The following IL1RAP variants were observed in gnomAD, a reference collection of about 807,000 sequenced individuals.
IL1RAP encodes interleukin-1 receptor accessory protein.
A neutral mutation model predicts 60.7 loss-of-function variants in IL1RAP; 35 were observed. The observed-to-expected ratio is 0.58, with a 90% confidence interval of 0.44 to 0.76. The LOEUF is 0.76. Among genes scored for constraint, IL1RAP ranks in the 30% least tolerant of loss-of-function variants. The probability of loss-of-function intolerance (pLI) is 0.00; values close to 1 mark genes in which losing one functional copy is unlikely to be tolerated. For synonymous variants in IL1RAP, 268 were observed against 250.9 expected (o/e 1.07, Z -0.64); for missense variants, 572 against 693.9 (o/e 0.82, Z 1.97).
downstream of IL1RAP, among the ~76,000 whole-genome samples, chr3:190,652,598 C>T (rs958242625): frequency 6.6e-6 from 1 of 152,090 alleles, no homozygotes. Context: ...TTAGGATCAA[C>T]GGATCGAAGT....
chr3:190,641,283 A>G (rs1442021802), intron 9 of IL1RAP, among the ~76,000 whole-genome samples: 2 of 152,182 alleles, frequency 1.3e-5, no homozygotes, highest in East Asian at 3.8e-4. Flanking sequence ...GAAATTCTTT[A>G]GTCTGGCATT....
chr3:190,581,058 C>G (rs1727955331), intron 3 of IL1RAP, among the ~76,000 whole-genome samples: 2 of 152,148 alleles, frequency 1.3e-5, no homozygotes, highest in Admixed American at 1.3e-4. Flanking sequence ...GGACTCAGCC[C>G]TTTAATCTCT....
chr3:190,656,422 A>G (rs1412248678), downstream of IL1RAP: 2 of 1,537,224 alleles, frequency 1.3e-6, no homozygotes, highest in Admixed American at 2.0e-5. Flanking sequence ...TAGGAACAAG[A>G]GCCGGGCAGA....
At chr3:190,543,013 C>A (rs1341898751) in intron 1 of IL1RAP, among the ~76,000 whole-genome samples, 1 of 150,758 alleles carries the variant, frequency 6.6e-6, no homozygotes, top group Non-Finnish European at 1.5e-5. Context: ...TGGTGTAATT[C>A]CAGGCTGTTC....
chr3:190,536,394 G>A (rs1723464830), intron 1 of IL1RAP, among the ~76,000 whole-genome samples: 1 of 152,068 alleles, frequency 6.6e-6, no homozygotes, highest in African/African-American at 2.4e-5. Flanking sequence ...TAGTAATTGA[G>A]TTACCAGCTG....
intron 3 of IL1RAP, among the ~76,000 whole-genome samples, chr3:190,566,434 C>G (rs1335184017): frequency 1.3e-5 from 2 of 152,170 alleles, no homozygotes; most frequent in African/African-American, 4.8e-5. Flanking sequence ...GCCTTCCCAG[C>G]AGTCCTGACC....
chr3:190,548,192 CT>C (rs1304429556), intron 1 of IL1RAP, among the ~76,000 whole-genome samples: 2 of 152,132 alleles, frequency 1.3e-5, no homozygotes, highest in East Asian at 3.9e-4. Flanking sequence ...ACGGTGGCAT[CT>C]GTTTGAACCA....
At chr3:190,593,332 T>C (rs1346321192) in intron 3 of IL1RAP, among the ~76,000 whole-genome samples, 1 of 152,180 alleles carries the variant, frequency 6.6e-6, no homozygotes, top group Non-Finnish European at 1.5e-5. Flanking sequence ...CTCTCCCTCC[T>C]CCACTCCTGA....
intron 3 of IL1RAP, among the ~76,000 whole-genome samples, chr3:190,566,815 G>A (rs143881436): frequency 1.9e-3 from 287 of 152,234 alleles, no homozygotes; most frequent in Middle Eastern, 0.01. Flanking sequence ...AAATCATTGC[G>A]CATCTTGAGG....
chr3:190,564,397 C>CATT (rs775495480), intron 3 of IL1RAP, 44 bp downstream of exon 3: 2 of 1,264,972 alleles, frequency 1.6e-6, no homozygotes, highest in Non-Finnish European at 2.3e-6. Flanking sequence ...GCAAGTCATG[C>CATT]GTAGGGTAAT....
chr3:190,636,523 T>C (rs900108520), intron 9 of IL1RAP, among the ~76,000 whole-genome samples: 1 of 151,660 alleles, frequency 6.6e-6, no homozygotes, highest in Non-Finnish European at 1.5e-5. Context: ...CTTTCTTTTT[T>C]TTTACTTTTT....
chr3:190,527,481 C>G (rs929118913), intron 1 of IL1RAP, among the ~76,000 whole-genome samples: 2 of 152,184 alleles, frequency 1.3e-5, no homozygotes, highest in African/African-American at 2.4e-5. Flanking sequence ...TGCAACACCT[C>G]TGGAGTCTCC....
chr3:190,646,588 A>C (rs971160486), intron 11 of IL1RAP, among the ~76,000 whole-genome samples: 1 of 152,222 alleles, frequency 6.6e-6, no homozygotes, highest in Non-Finnish European at 1.5e-5. Flanking sequence ...CACACAAAGT[A>C]ATTTTTCATT....
At chr3:190,576,398 G>A (rs201550901) in intron 3 of IL1RAP, among the ~76,000 whole-genome samples, 7 of 117,548 alleles carry the variant, frequency 6.0e-5, no homozygotes, top group Non-Finnish European at 1.1e-4. Context: ...ACACACACAC[G>A]CACATTTTAA....
chr3:190,603,882 A>G (rs1730065941), intron 3 of IL1RAP, among the ~76,000 whole-genome samples: 1 of 152,192 alleles, frequency 6.6e-6, no homozygotes, highest in Non-Finnish European at 1.5e-5. Context: ...GCAGGGCTTA[A>G]CAGGGTCAAG....
chr3:190,639,743 A>C (rs9847868), intron 9 of IL1RAP, among the ~76,000 whole-genome samples: 39,329 of 152,130 alleles, frequency 0.26, 5,546 homozygotes, highest in African/African-American at 0.37. Context: ...TTTGTTCTAG[A>C]GGGTAATTAA....
At chr3:190,520,336 T>A (rs1721906218) in intron 1 of IL1RAP, among the ~76,000 whole-genome samples, 1 of 152,140 alleles carries the variant, frequency 6.6e-6, no homozygotes, top group African/African-American at 2.4e-5. Flanking sequence ...ATTAGTTGTG[T>A]CAAAGTTTGC....
At chr3:190,647,958 T>C (rs1734153310) in intron 11 of IL1RAP, among the ~76,000 whole-genome samples, 1 of 152,202 alleles carries the variant, frequency 6.6e-6, no homozygotes, top group Non-Finnish European at 1.5e-5. Context: ...AAGAAAGGGC[T>C]CATGAGCTGA....
intron 5 of IL1RAP, among the ~76,000 whole-genome samples, chr3:190,609,700 T>C (rs1266369087): frequency 1.3e-5 from 2 of 152,218 alleles, no homozygotes; most frequent in Non-Finnish European, 2.9e-5. Context: ...ATAGCTTTTG[T>C]ATCACTTCAA....
Sources: allele counts gnomAD v4.1 joint callset (sites outside exome capture counted in the v4.1 genomes callset), GRCh38; gene constraint gnomAD v4.1.1; transcripts MANE v1.5; gene names NCBI Gene and HGNC (gene_info 2026-07-23, HGNC 2026-07-21).